Variants in ANKRD27 observed in about 807,000 individuals in gnomAD.
ANKRD27 encodes ankyrin repeat domain 27, also known as ankyrin repeat domain-containing protein 27.
A neutral mutation model predicts 129.7 loss-of-function variants in ANKRD27; 112 were observed. That is an observed-to-expected ratio of 0.86 (90% CI 0.74 to 1.01). The LOEUF is 1.01. Ranked by LOEUF, ANKRD27 falls within the 50% of genes least tolerant of loss-of-function variation. ANKRD27 has a pLI of 0.00. For synonymous variants in ANKRD27, 516 were observed against 511.2 expected, an observed-to-expected ratio of 1.01 and a Z score of -0.13; for missense variants, 1,258 against 1,300.5, an observed-to-expected ratio of 0.97 and a Z score of 0.50.
chr19:32,606,967 A>G (rs1285890505), intron 23 of ANKRD27, among the ~76,000 whole-genome samples: 13 of 140,592 alleles, frequency 9.2e-5, no homozygotes, highest in East Asian at 6.7e-4. Context: ...AAAAAAAAAA[A>G]AAAAAAAGAA....
chr19:32,597,529 C>G lies in ANKRD27; in HGVS notation c.*616G>C, dbSNP rs1452109012. 1 of 153,602 alleles carries G rather than the reference C, an allele frequency of 6.5e-6. No individual in the cohort carries two copies. The highest frequency in any genetic ancestry group is 1.5e-5 in the Non-Finnish European group (1 of 68,792). 9.5% of individuals were successfully genotyped at this position (153,602 alleles called of 1,614,324 possible). On this transcript the variant is annotated 3_prime_UTR_variant, in exon 29 of 29. Transcript: ENST00000306065. Reference sequence around the variant, plus strand: ...TTGTTAGAAGGAAAATGATAACCACCCTTTCCCATGTGCATGATGTGGAAC... The same window carrying G: ...TTGTTAGAAGGAAAATGATAACCACGCTTTCCCATGTGCATGATGTGGAAC...
chr19:32,599,250 C>G (rs1368604316), intron 28 of ANKRD27, among the ~76,000 whole-genome samples: 1 of 152,178 alleles, frequency 6.6e-6, no homozygotes, highest in Non-Finnish European at 1.5e-5. Flanking sequence ...CACTGCACTC[C>G]AGCCTGGGCC....
At chr19:32,664,617 A>AATAAT (rs1967711134) in intron 1 of ANKRD27, among the ~76,000 whole-genome samples, 1 of 128,332 alleles carries the variant, frequency 7.8e-6, no homozygotes, top group African/African-American at 2.8e-5. Context: ...CTCCATCCCC[A>AATAAT]AATAATAATA....
intron 12 of ANKRD27, among the ~76,000 whole-genome samples, chr19:32,636,709 T>TTCTCTCTC (rs56115659): frequency 1.4e-5 from 2 of 145,494 alleles, no homozygotes; most frequent in Admixed American, 6.9e-5. Flanking sequence ...AAAAAAACAG[T>TTCTCTCTC]TCTCTCTCTC....
chr19:32,602,475 T>C (rs571398895), intron 25 of ANKRD27, among the ~76,000 whole-genome samples: 8 of 152,182 alleles, frequency 5.3e-5, no homozygotes, highest in African/African-American at 1.7e-4. Flanking sequence ...AACACATTAA[T>C]TAACTGGGCA....
At chr19:32,599,921 G>C (rs1266780720) in intron 27 of ANKRD27, 51 bp downstream of exon 27, 2 of 1,541,316 alleles carry the variant, frequency 1.3e-6, no homozygotes, top group Non-Finnish European at 9.0e-7. Context: ...CGTGCAGCTT[G>C]GAGTAAACTA....
chr19:32,619,337 G>A lies in ANKRD27; in HGVS notation c.1930C>T (p.Gln644Ter). The A allele has an allele frequency of 6.2e-7, 1 of 1,613,572 alleles. No homozygotes were observed. The highest frequency in any genetic ancestry group is 8.5e-7 in the Non-Finnish European group (1 of 1,179,846). Residue 644 changes from glutamine to a stop codon, truncating the protein, a stop_gained, in exon 20 of 29, where the codon CAA becomes TAA. Coordinates refer to ENST00000306065, the MANE Select transcript of ANKRD27 (RefSeq NM_032139.3). LOFTEE classifies it high-confidence loss of function. Reference protein sequence around the residue: ...SPQRSVDSISQESSTSSFSSM... With the variant: ...SPQRSVDSIS ...GAGAAGCTGGAAGTGGAGGACTCTT[G>A]GCTGATGGAGTCCACGGAGCGCTGC... is the stretch of plus-strand genomic sequence containing the variant.
intron 1 of ANKRD27, among the ~76,000 whole-genome samples, chr19:32,659,405 T>A (rs998463356): frequency 1.3e-5 from 2 of 152,020 alleles, no homozygotes; most frequent in African/African-American, 4.8e-5. Context: ...TTCTAAAGAG[T>A]ATCCTCCAAA....
At chr19:32,655,496 C>A (rs1398627495) in intron 2 of ANKRD27, among the ~76,000 whole-genome samples, 3 of 152,164 alleles carry the variant, frequency 2.0e-5, no homozygotes, top group Non-Finnish European at 4.4e-5. Context: ...TCCGGTGTCC[C>A]TGAAAGGAAG....
In ANKRD27 at chr19:32,640,363, A is replaced by G. The variant is rs934928409; in HGVS notation, c.927T>C (p.Ala309=). The change falls in exon 11 of 29, where the codon GCT becomes GCC. Residue 309 remains alanine (A), a synonymous_variant. Transcript: ENST00000306065. ...SQRVNLETMC[A]DDLLSVLLYL... ...ATAACAGGACTGATAGCAGATCATC[A>G]GCACACATGGTCTCCAGGTTCACTG... 21 of 1,613,892 alleles carry G rather than the reference A, an allele frequency of 1.3e-5. No homozygotes were observed. Among genetic ancestry groups the G allele is most frequent in the South Asian group, 2.2e-5 (2 of 91,086 alleles).
Position 32,644,405 on chromosome 19 carries a change from A to G in ANKRD27, c.445T>C (p.Ser149Pro). 1 of 1,614,126 alleles carries G rather than the reference A, an allele frequency of 6.2e-7. No individual in the cohort carries two copies. Among genetic ancestry groups the G allele is most frequent in the Non-Finnish European group, 8.5e-7 (1 of 1,180,026 alleles). Residue 149 changes from serine to proline, a missense_variant, in exon 5 of 29, where the codon TCC (serine) becomes CCC (proline). Physicochemically the swap from Ser to Pro is moderately conservative, Grantham distance 74. Transcript: ENST00000306065. Reference protein sequence around the residue: ...EDVREFLGRHSERFDRNIASF... With the variant: ...EDVREFLGRHPERFDRNIASF... ...GCGATGTTCCTGTCAAATCGCTCGG[A>G]GTGTCTTCCCAAGAACTCTCTCACA...
chr19:32,672,099 T>C (rs1443587959), intron 1 of ANKRD27, among the ~76,000 whole-genome samples: 1 of 152,194 alleles, frequency 6.6e-6, no homozygotes, highest in Non-Finnish European at 1.5e-5. Context: ...TCAGCCTCCT[T>C]AGAGATGCAC....
intron 1 of ANKRD27, among the ~76,000 whole-genome samples, chr19:32,663,457 G>A (rs1386514170): frequency 1.3e-5 from 2 of 152,194 alleles, no homozygotes; most frequent in Non-Finnish European, 2.9e-5. Context: ...TCTAAAAAGA[G>A]TAAAGTTTTC....
intron 3 of ANKRD27, 33 bp downstream of exon 3, chr19:32,649,649 G>C: frequency 1.4e-6 from 2 of 1,458,450 alleles, no homozygotes; most frequent in Non-Finnish European, 1.9e-6. Context: ...CACCGAGTAG[G>C]TGACCCTGGC....
chr19:32,653,558 G>A (rs1281987509), intron 2 of ANKRD27, among the ~76,000 whole-genome samples: 3 of 152,090 alleles, frequency 2.0e-5, no homozygotes, highest in Non-Finnish European at 4.4e-5. Context: ...GAAGCAGTGG[G>A]GTTGTCACAG....
intron 14 of ANKRD27, 135 bp downstream of exon 14, chr19:32,628,587 C>A: frequency 8.8e-7 from 1 of 1,139,322 alleles, no homozygotes. Flanking sequence ...GTTATCATCT[C>A]CACTGTACAG....
At chr19:32,615,822 G>A (rs200286125) in intron 21 of ANKRD27, 42 bp from the exon 22 acceptor site, 213 of 1,596,504 alleles carry the variant, frequency 1.3e-4, no homozygotes, top group Admixed American at 2.1e-4. Flanking sequence ...CATCCTCAGC[G>A]TCTTTGCATG....
chr19:32,640,818 C>T (rs935891594), intron 10 of ANKRD27, among the ~76,000 whole-genome samples: 1 of 152,194 alleles, frequency 6.6e-6, no homozygotes, highest in Non-Finnish European at 1.5e-5. Flanking sequence ...GCAAGAGGAT[C>T]ACTTGAGCCC....
At chr19:32,640,878 G>A (rs1471593284) in intron 10 of ANKRD27, among the ~76,000 whole-genome samples, 3 of 152,116 alleles carry the variant, frequency 2.0e-5, no homozygotes, top group Non-Finnish European at 4.4e-5. Flanking sequence ...CTGGGTGACA[G>A]AGTGAGACCC....
Sources: gnomAD v4.1 joint callset for allele counts (sites outside exome capture counted in the v4.1 genomes callset) on GRCh38, gnomAD v4.1.1 for gene constraint, MANE v1.5 for transcripts, NCBI Gene and HGNC (gene_info 2026-07-23, HGNC 2026-07-21) for gene names.